SOX5: variants seen among roughly 807,000 people sequenced by gnomAD.
SOX5 encodes the protein transcription factor SOX-5.
SOX5 carries 9 observed loss-of-function variants against 92.0 expected under a neutral mutation model. The ratio of observed to expected loss-of-function variants is 0.10; its 90% confidence interval spans 0.06 to 0.17. SOX5 has a LOEUF of 0.17. Among genes scored for constraint, SOX5 ranks in the 10% least tolerant of loss-of-function variants. The pLI, the probability that SOX5 is intolerant of heterozygous loss-of-function variation, is 1.00. For missense variants in SOX5, 642 were observed against 944.5 expected, an observed-to-expected ratio of 0.68 and a Z score of 4.20; for synonymous variants, 344 against 336.3, an observed-to-expected ratio of 1.02 and a Z score of -0.25.
At chr12:23,909,799 C>CTTTT (rs879585989) in intron 1 of SOX5, among the ~76,000 whole-genome samples, 1 of 147,320 alleles carries the variant, frequency 6.8e-6, no homozygotes, top group African/African-American at 2.5e-5. Context: ...TTGCTGTTTT[C>CTTTT]TTTTTTTTTT....
chr12:24,096,119 T>A lies in SOX5; in HGVS notation c.-2+117224A>T, dbSNP rs147429169. Among the ~76,000 whole-genome samples, 754 of 152,300 alleles carry A rather than the reference T, an allele frequency of 5.0e-3. 10 individuals carry two copies. Among genetic ancestry groups the A allele is most frequent in the African/African-American group, 0.017 (701 of 41,564 alleles). On this transcript the variant is annotated intron_variant, in intron 4 of 4. Coordinates refer to the SOX5 transcript ENST00000446891. ...TTTCATTCATCATGGAAAAAATTTT[T>A]AAACATTTTTTATTATACTTTAAGT...
intron 2 of SOX5, among the ~76,000 whole-genome samples, chr12:23,860,408 C>T (rs1213747343): frequency 2.0e-5 from 3 of 151,806 alleles, no homozygotes; most frequent in Non-Finnish European, 4.4e-5. Flanking sequence ...AAAAAAGAGT[C>T]AAAGATAAAC....
intron 9 of SOX5, among the ~76,000 whole-genome samples, chr12:23,589,566 T>C (rs943944622): frequency 2.0e-5 from 3 of 151,920 alleles, no homozygotes; most frequent in Admixed American, 6.6e-5. Context: ...AAATGGCGAA[T>C]ACTTTATTTA....
intron 3 of SOX5, among the ~76,000 whole-genome samples, chr12:24,243,449 T>C (rs142423319): frequency 1.2e-4 from 18 of 152,276 alleles, no homozygotes; most frequent in African/African-American, 4.3e-4. Context: ...TCATTAAAAG[T>C]AGAAAGCTCA....
intron 9 of SOX5, among the ~76,000 whole-genome samples, chr12:23,586,008 T>A (rs757930346): frequency 2.4e-4 from 36 of 152,092 alleles, no homozygotes; most frequent in Admixed American, 5.3e-4. Context: ...TAAGCCCCTC[T>A]ATAAAATGGA....
chr12:24,314,908 G>A (rs1184465323), intron 2 of SOX5, among the ~76,000 whole-genome samples: 1 of 152,220 alleles, frequency 6.6e-6, no homozygotes, highest in Non-Finnish European at 1.5e-5. Flanking sequence ...CATATTTGTT[G>A]TTGGATACTG....
chr12:23,690,333 C>T (rs1280280967), intron 6 of SOX5, among the ~76,000 whole-genome samples: 1 of 152,140 alleles, frequency 6.6e-6, no homozygotes, highest in Non-Finnish European at 1.5e-5. Flanking sequence ...TATTCCTTCA[C>T]CTTTCCATGT....
chr12:24,196,232 T>C (rs1038623772), intron 4 of SOX5, among the ~76,000 whole-genome samples: 1 of 152,248 alleles, frequency 6.6e-6, no homozygotes, highest in African/African-American at 2.4e-5. Flanking sequence ...AGCTTTGTAC[T>C]ATCTGCTGTG....
At chr12:23,610,602 A>T (rs1383599794) in intron 8 of SOX5, among the ~76,000 whole-genome samples, 1 of 152,178 alleles carries the variant, frequency 6.6e-6, no homozygotes, top group Admixed American at 6.6e-5. Context: ...TAGTGACTAT[A>T]CATAAAACAA....
At chr12:24,118,097 G>T (rs1381024944) in intron 4 of SOX5, among the ~76,000 whole-genome samples, 1 of 151,876 alleles carries the variant, frequency 6.6e-6, no homozygotes. Context: ...TAGAGGCTGG[G>T]GGGTGGGAAG....
intron 4 of SOX5, among the ~76,000 whole-genome samples, chr12:24,093,314 G>A (rs891900868): frequency 1.6e-4 from 25 of 152,162 alleles, no homozygotes; most frequent in East Asian, 7.8e-4. Context: ...GAGGTCCGGA[G>A]ATCGAGACCA....
At chr12:24,211,105 C>T (rs1000898062) in intron 4 of SOX5, among the ~76,000 whole-genome samples, 1 of 152,108 alleles carries the variant, frequency 6.6e-6, no homozygotes, top group South Asian at 2.1e-4. Flanking sequence ...ACTGCCCTTG[C>T]CATTCCTTCA....
chr12:23,753,640 CTTTA>C (rs1385939344), intron 4 of SOX5, among the ~76,000 whole-genome samples: 1 of 151,806 alleles, frequency 6.6e-6, no homozygotes, highest in East Asian at 1.9e-4. Flanking sequence ...AGACTTACAT[CTTTA>C]TTTGCCTCAA....
intron 3 of SOX5, among the ~76,000 whole-genome samples, chr12:23,799,408 A>G (rs1018132326): frequency 5.3e-5 from 8 of 152,078 alleles, no homozygotes; most frequent in Admixed American, 2.0e-4. Context: ...TTTCTCCCTA[A>G]CAATGTAGCC....
intron 4 of SOX5, among the ~76,000 whole-genome samples, chr12:24,141,186 G>GT (rs1217990764): frequency 1.3e-5 from 2 of 152,080 alleles, no homozygotes; most frequent in Non-Finnish European, 2.9e-5. Context: ...TATATGGAAT[G>GT]TTTTTTTAAA....
intron 1 of SOX5, among the ~76,000 whole-genome samples, chr12:24,452,670 G>A (rs1339209686): frequency 6.6e-6 from 1 of 152,140 alleles, no homozygotes; most frequent in African/African-American, 2.4e-5. Context: ...AAGAGAAATT[G>A]ATGGGTTAGA....
Position 23,532,361 on chromosome 12 carries a change from A to AGAT in SOX5, c.*1855_*1857dup, listed in dbSNP as rs879194677. 2.0e-5 allele frequency: 3 copies of AGAT among 152,240 alleles called. No homozygotes were observed. Among genetic ancestry groups the AGAT allele is most frequent in the East Asian group, 3.9e-4 (2 of 5,184 alleles). The allele number at this position is 152,240 out of a possible 1,614,324, so 9.4% of individuals were successfully genotyped here. On this transcript the variant is annotated 3_prime_UTR_variant, in exon 15 of 15. Coordinates refer to ENST00000451604, the MANE Select transcript of SOX5 (RefSeq NM_006940.6). ...CTTTAGGGTGGTGTTTCGGGGGGTG[A>AGAT]GATAGGAAAATGATGACTGGAGTGA...
chr12:23,560,304 A>AT (rs1291351797), intron 11 of SOX5, among the ~76,000 whole-genome samples: 1 of 152,186 alleles, frequency 6.6e-6, no homozygotes, highest in South Asian at 2.1e-4. Context: ...TTTATCATAT[A>AT]TTTTTTATGT....
At chr12:23,707,525 A>G (rs1229225576) in intron 6 of SOX5, among the ~76,000 whole-genome samples, 1 of 152,154 alleles carries the variant, frequency 6.6e-6, no homozygotes, top group Non-Finnish European at 1.5e-5. Context: ...GGCGTACTAC[A>G]TTAGAGATAA....
Sources: allele counts gnomAD v4.1 joint callset (sites outside exome capture counted in the v4.1 genomes callset), GRCh38; gene constraint gnomAD v4.1.1; transcripts MANE v1.5; gene names NCBI Gene and HGNC (gene_info 2026-07-23, HGNC 2026-07-21).